The following GAPVD1 variants were observed in gnomAD, a reference collection of about 807,000 sequenced individuals.
GAPVD1 encodes the protein GTPase-activating protein and VPS9 domain-containing protein 1.
Under a neutral mutation model 155.5 loss-of-function variants are expected in GAPVD1, and 35 were observed. The observed-to-expected ratio is 0.23, with a 90% CI of 0.17 to 0.30. The LOEUF is 0.30. Among genes scored for constraint, GAPVD1 ranks in the 10% least tolerant of loss-of-function variants. The pLI, the probability that GAPVD1 is intolerant of heterozygous loss-of-function variation, is 1.00. For missense variants in GAPVD1, 1,429 were observed against 1,775.7 expected (o/e 0.80, Z 3.51); for synonymous variants, 636 against 619.7 (o/e 1.03, Z -0.39).
At chr9:125,265,963 T>C (rs1321779639) in intron 1 of GAPVD1, among the ~76,000 whole-genome samples, 1 of 147,418 alleles carries the variant, frequency 6.8e-6, no homozygotes, top group Admixed American at 6.8e-5. Context: ...CGGTTACTGT[T>C]AGGAGGAGGA....
chr9:125,275,747 CTCTT>C (rs1341784805), intron 2 of GAPVD1, among the ~76,000 whole-genome samples: 2 of 152,078 alleles, frequency 1.3e-5, no homozygotes, highest in African/African-American at 4.8e-5. Context: ...CAGAGCGAGA[CTCTT>C]TCTCAAAAGA....
Position 125,363,452 on chromosome 9 carries a change from T to C in GAPVD1, c.*706T>C, listed in dbSNP as rs1208200438. ...AAATGTAATACAGTTTATTGAACTT[T>C]CTAGGTATGGAGTTTGATGGACAGG... On this transcript the variant is annotated 3_prime_UTR_variant, in exon 28 of 28. Transcript: ENST00000297933. The C allele has an allele frequency of 1.3e-5, 2 of 152,188 alleles. No individual in the cohort carries two copies. Among genetic ancestry groups the C allele is most frequent in the Admixed American group, 1.3e-4 (2 of 15,278 alleles). The allele number at this position is 152,188 out of a possible 1,614,324, so 9.4% of individuals were successfully genotyped here.
intron 2 of GAPVD1, among the ~76,000 whole-genome samples, chr9:125,276,279 G>A (rs1270042897): frequency 3.9e-5 from 6 of 152,162 alleles, no homozygotes; most frequent in African/African-American, 1.4e-4. Context: ...CTATTCTGTA[G>A]GCCAGAGTTC....
chr9:125,320,461 A>G (rs149167960), intron 9 of GAPVD1, among the ~76,000 whole-genome samples: 1 of 152,238 alleles, frequency 6.6e-6, no homozygotes, highest in Non-Finnish European at 1.5e-5. Flanking sequence ...CCCTGTATGT[A>G]TGTTGTGATC....
At position 125,302,058 on chromosome 9, in the gene GAPVD1, G is replaced by A; in HGVS notation, c.261G>A (p.Lys87=). ...LEDTQFVDGY[K]QLGFQETAYG... is the part of the protein sequence containing the mutation. ...ATACACAATTTGTTGATGGGTATAA[G>A]CAATTGGGATTTCAGGAGACTGCTT... The change falls in exon 5 of 28, where the codon AAG becomes AAA. Residue 87 remains lysine (K), a synonymous_variant. Coordinates refer to ENST00000297933, the MANE Select transcript of GAPVD1 (RefSeq NM_001282680.3). 7 of 1,612,490 alleles carry A rather than the reference G, an allele frequency of 4.3e-6. No homozygotes were observed. The highest frequency in any genetic ancestry group is 5.9e-6 in the Non-Finnish European group (7 of 1,179,616).
chr9:125,307,738 T>C lies in GAPVD1; in HGVS notation c.1299T>C (p.Asp433=), dbSNP rs750707747. The part of the protein sequence containing the change: ...SVMSGDQLRE[D]RMALDNLLAN... Reference sequence around the variant, plus strand: ...TGTCTGGAGATCAACTGAGAGAAGATAGAATGGCTCTTGACAATTTATTGG... The same window carrying C: ...TGTCTGGAGATCAACTGAGAGAAGACAGAATGGCTCTTGACAATTTATTGG... Residue 433 remains aspartate (D), a synonymous_variant, in exon 8 of 28, where the codon GAT becomes GAC. Coordinates refer to ENST00000297933, the MANE Select transcript of GAPVD1 (RefSeq NM_001282680.3). 1.2e-6 allele frequency: 2 copies of C among 1,614,104 alleles called. No homozygotes were observed. Among genetic ancestry groups the C allele is most frequent in the East Asian group, 2.2e-5 (1 of 44,888 alleles).
chr9:125,357,075 G>C (rs1429730559), intron 25 of GAPVD1, among the ~76,000 whole-genome samples: 1 of 152,048 alleles, frequency 6.6e-6, no homozygotes, highest in African/African-American at 2.4e-5. Flanking sequence ...CCAAAGTGCT[G>C]GGATAAGAGC....
intron 2 of GAPVD1, among the ~76,000 whole-genome samples, chr9:125,271,740 G>A (rs1251778408): frequency 6.6e-6 from 1 of 151,844 alleles, no homozygotes; most frequent in Non-Finnish European, 1.5e-5. Flanking sequence ...TAGTAGAGAC[G>A]TTGTTTCACC....
intron 20 of GAPVD1, 90 bp from the exon 21 acceptor site, chr9:125,349,300 T>C (rs1347835052): frequency 1.8e-5 from 20 of 1,082,702 alleles, no homozygotes; most frequent in Non-Finnish European, 2.6e-5. Flanking sequence ...TCAATGGTAA[T>C]TTATTCTTGA....
chr9:125,306,263 A>C (rs187954385), intron 6 of GAPVD1, among the ~76,000 whole-genome samples: 185 of 152,108 alleles, frequency 1.2e-3, no homozygotes, highest in African/African-American at 4.1e-3. Flanking sequence ...TCCCAGGTTC[A>C]AGCAATTCTC....
At chr9:125,346,159 G>A (rs1848491966) in intron 19 of GAPVD1, 1 of 152,890 alleles carries the variant, frequency 6.5e-6, no homozygotes, top group Non-Finnish European at 1.5e-5. Context: ...ATTTGTGATT[G>A]TGGTACGTTT....
intron 14 of GAPVD1, 47 bp from the exon 15 acceptor site, chr9:125,332,463 A>G (rs771166874): frequency 4.1e-6 from 6 of 1,454,310 alleles, no homozygotes; most frequent in Middle Eastern, 3.6e-4. Context: ...TTTTGTGTGG[A>G]TATTTTGTTC....
rs776278027 is a variant in GAPVD1, at chr9:125,302,064, G to A, written c.267G>A (p.Leu89=). Reference sequence around the variant, plus strand: ...AATTTGTTGATGGGTATAAGCAATTGGGATTTCAGGAGACTGCTTATGGAG... The same window carrying A: ...AATTTGTTGATGGGTATAAGCAATTAGGATTTCAGGAGACTGCTTATGGAG... The part of the protein sequence containing the change: ...DTQFVDGYKQ[L]GFQETAYGEF... The change falls in exon 5 of 28, where the codon TTG becomes TTA. Residue 89 remains leucine, a synonymous_variant. Transcript: ENST00000297933. 12 of 1,612,606 alleles carry A rather than the reference G, an allele frequency of 7.4e-6. 1 individual carries two copies. In the South Asian group the frequency reaches 9.9e-5, roughly 13 times the overall value.
chr9:125,294,476 A>G (rs1371497056), intron 2 of GAPVD1, among the ~76,000 whole-genome samples: 2 of 150,140 alleles, frequency 1.3e-5, no homozygotes, highest in East Asian at 3.9e-4. Flanking sequence ...CCTCCTGAGT[A>G]GCTGGGACTA....
chr9:125,306,273 C>T (rs1271680069), intron 6 of GAPVD1, among the ~76,000 whole-genome samples: 1 of 152,140 alleles, frequency 6.6e-6, no homozygotes, highest in Non-Finnish European at 1.5e-5. Context: ...AAGCAATTCT[C>T]CTGCCTCAGC....
At chr9:125,328,822 G>T (rs1845604971) in intron 12 of GAPVD1, among the ~76,000 whole-genome samples, 1 of 112,132 alleles carries the variant, frequency 8.9e-6, no homozygotes. Context: ...GGCTGGCCGG[G>T]CAGGGGGCTG....
In GAPVD1 at chr9:125,264,048, C is replaced by T. The variant is rs1833422931; in HGVS notation, c.-199+2089C>T. 5 of 1,058,678 alleles carry T rather than the reference C, an allele frequency of 4.7e-6. No individual in the cohort carries two copies. In the South Asian group the frequency reaches 6.4e-5, roughly 13 times the overall value. The allele number at this position is 1,058,678 out of a possible 1,614,324, so 65.6% of individuals were successfully genotyped here. ...TGGACATCCTTCTTGGCCACCATGA[C>T]TCCCTCCTTAAAAAGGAGTTCATAA... is the stretch of plus-strand genomic sequence containing the variant. On this transcript the variant is annotated intron_variant, in intron 1 of 27. Coordinates refer to ENST00000297933, the MANE Select transcript of GAPVD1 (RefSeq NM_001282680.3).
At position 125,305,056 on chromosome 9, in the gene GAPVD1, G is replaced by T. The variant is rs371152543; in HGVS notation, c.1030-7G>T. 1.6e-5 allele frequency: 26 copies of T among 1,607,104 alleles called. No individual in the cohort carries two copies. The highest frequency in any genetic ancestry group is 2.2e-5 in the Non-Finnish European group (26 of 1,173,704). On this transcript the variant is annotated splice_region_variant and splice_polypyrimidine_tract_variant and intron_variant, in intron 5 of 27. Coordinates refer to ENST00000297933, the MANE Select transcript of GAPVD1 (RefSeq NM_001282680.3). ...TTATGTCTCCCTACCACTGCTTTGG[G>T]TTGCAGGTAGGCCGCCTTTTGCAGC...
chr9:125,264,337 G>T (rs1833475671), intron 1 of GAPVD1, among the ~76,000 whole-genome samples: 2 of 152,116 alleles, frequency 1.3e-5, no homozygotes, highest in Admixed American at 1.3e-4. Context: ...TGGGACTACA[G>T]ACACCAGCCA....
Sources: gnomAD v4.1 joint callset for allele counts (sites outside exome capture counted in the v4.1 genomes callset) on GRCh38, gnomAD v4.1.1 for gene constraint, MANE v1.5 for transcripts, NCBI Gene and HGNC (gene_info 2026-07-23, HGNC 2026-07-21) for gene names.